The following CNTN5 variants were observed in gnomAD, a reference collection of about 807,000 sequenced individuals.
The protein encoded by CNTN5 is contactin 5.
CNTN5 carries 77 observed loss-of-function variants against 129.1 expected under a neutral mutation model. That is an observed-to-expected ratio of 0.60 (90% CI 0.50 to 0.72). The LOEUF (loss-of-function observed/expected upper bound fraction) is 0.72, where lower values mean the gene tolerates loss of function less well. CNTN5 is among the 30% of genes least tolerant of loss of function. The pLI, the probability that CNTN5 is intolerant of heterozygous loss-of-function variation, is 0.00. For missense variants in CNTN5, 1,478 were observed against 1,328.8 expected, an observed-to-expected ratio of 1.11 and a Z score of -1.75; for synonymous variants, 509 against 465.6, an observed-to-expected ratio of 1.09 and a Z score of -1.20.
Position 99,839,999 on chromosome 11 carries a change from AAAAT to A in CNTN5, c.278-4852_278-4849del, listed in dbSNP as rs140979161. ...AAAGGCCAACTGAGTCACAGAAAAA[AAAAT>A]CGTACAAGATGACTACACCAAGACA... On this transcript the variant is annotated intron_variant, in intron 4 of 24. Coordinates refer to ENST00000524871, the MANE Select transcript of CNTN5 (RefSeq NM_014361.4). 3.6e-3 allele frequency among the ~76,000 whole-genome samples: 541 copies of A among 152,282 alleles called. 3 individuals are homozygous for A. Among genetic ancestry groups the A allele is most frequent in the African/African-American group, 0.012 (515 of 41,572 alleles).
intron 1 of CNTN5, among the ~76,000 whole-genome samples, chr11:99,310,986 C>T (rs1025075389): frequency 1.3e-5 from 2 of 152,018 alleles, no homozygotes; most frequent in South Asian, 2.1e-4. Flanking sequence ...TGCCGGAATG[C>T]GGTGGTGCTG....
intron 1 of CNTN5, among the ~76,000 whole-genome samples, chr11:99,105,211 A>C (rs1866938882): frequency 6.6e-6 from 1 of 152,176 alleles, no homozygotes; most frequent in Non-Finnish European, 1.5e-5. Flanking sequence ...GGATTTGTGT[A>C]GATAACTGAG....
chr11:99,435,873 A>C (rs1035539044), intron 2 of CNTN5, among the ~76,000 whole-genome samples: 1 of 152,222 alleles, frequency 6.6e-6, no homozygotes, highest in East Asian at 1.9e-4. Context: ...ATGAGGAAGT[A>C]TATGGGGAAG....
chr11:100,206,618 A>G (rs1948917783), intron 15 of CNTN5, among the ~76,000 whole-genome samples: 1 of 152,050 alleles, frequency 6.6e-6, no homozygotes. Context: ...GTAACACTCA[A>G]TTTTTAGGGT....
chr11:100,049,692 A>G (rs908983128), intron 9 of CNTN5, among the ~76,000 whole-genome samples: 4 of 152,220 alleles, frequency 2.6e-5, no homozygotes, highest in African/African-American at 9.6e-5. Flanking sequence ...CAGGCAACCT[A>G]CAAAATGGGA....
intron 9 of CNTN5, among the ~76,000 whole-genome samples, chr11:100,010,332 AAGAATT>A (rs1565785529): frequency 6.6e-6 from 1 of 152,166 alleles, no homozygotes; most frequent in Non-Finnish European, 1.5e-5. Context: ...GGGGGAAAAA[AAGAATT>A]AGAATTAATA....
intron 6 of CNTN5, among the ~76,000 whole-genome samples, chr11:99,914,332 A>G (rs1243068682): frequency 6.6e-6 from 1 of 152,090 alleles, no homozygotes; most frequent in Non-Finnish European, 1.5e-5. Flanking sequence ...AAATCTTGCC[A>G]TGCTTTGATT....
chr11:100,008,515 A>G lies in CNTN5; in HGVS notation c.980+6379A>G, dbSNP rs1454603832. Among the ~76,000 whole-genome samples, 3 of 152,116 alleles carry G rather than the reference A, an allele frequency of 2.0e-5. No individual in the cohort carries two copies. In the South Asian group the frequency reaches 6.2e-4, roughly 31 times the overall value. ...GCAGGTCTGCAAGCTCTGAAAGCCA[A>G]CTATGTTCTAGGGACTGTCATATCT... On this transcript the variant is annotated intron_variant, in intron 9 of 24. Transcript: ENST00000524871.
chr11:99,379,832 T>A (rs1322901481), intron 2 of CNTN5, among the ~76,000 whole-genome samples: 4 of 152,132 alleles, frequency 2.6e-5, no homozygotes, highest in Non-Finnish European at 5.9e-5. Context: ...CAGTTATTCA[T>A]GCCTGTAATT....
intron 2 of CNTN5, among the ~76,000 whole-genome samples, chr11:99,464,684 T>C (rs1347125197): frequency 6.6e-6 from 1 of 152,168 alleles, no homozygotes; most frequent in Non-Finnish European, 1.5e-5. Context: ...ACAGATTCAA[T>C]TGGTTGAAGT....
chr11:100,062,107 A>G (rs371668569), intron 10 of CNTN5, among the ~76,000 whole-genome samples: 2 of 152,186 alleles, frequency 1.3e-5, no homozygotes, highest in East Asian at 3.8e-4. Context: ...TGTACTTTTC[A>G]TATTTGATTT....
rs1398095748 is a variant in CNTN5 at position 100,271,124 on chromosome 11, G to T, written c.2197G>T (p.Ala733Ser). The change falls in exon 18 of 25, where the codon GCC (alanine) becomes TCC (serine). Residue 733 changes from alanine (A) to serine (S), a missense_variant. Ala to Ser is a moderately conservative substitution (Grantham distance 99, BLOSUM62 1). Coordinates refer to ENST00000524871, the MANE Select transcript of CNTN5 (RefSeq NM_014361.4). ...PEIITGDMES[A>S]MAVDLNPWVE... Reference sequence around the variant, plus strand: ...AATCATAACAGGGGACATGGAGTCAGCCATGGCTGTGGACCTAAATCCCTG... The same window carrying T: ...AATCATAACAGGGGACATGGAGTCATCCATGGCTGTGGACCTAAATCCCTG... 6.2e-7 allele frequency: 1 copy of T among 1,612,144 alleles called. No individual in the cohort carries two copies. Among genetic ancestry groups the T allele is most frequent in the East Asian group, 2.2e-5 (1 of 44,756 alleles).
rs60403723 is a variant in CNTN5 at position 99,748,414 on chromosome 11, T to TAGAGAG, written c.56-71121_56-71116dup. On this transcript the variant is annotated intron_variant, in intron 3 of 24. Coordinates refer to ENST00000524871, the MANE Select transcript of CNTN5 (RefSeq NM_014361.4). The stretch of plus-strand genomic sequence containing the variant: ...AGTCAGTCTCCAGCAGAACAATCCA[T>TAGAGAG]AGAGAGAGAGAGAGTGAGAGAGACA... 2.3e-3 allele frequency among the ~76,000 whole-genome samples: 343 copies of TAGAGAG among 151,028 alleles called. 3 individuals carry two copies. Among genetic ancestry groups the TAGAGAG allele is most frequent in the African/African-American group, 7.2e-3 (295 of 41,100 alleles).
intron 1 of CNTN5, among the ~76,000 whole-genome samples, chr11:99,283,124 A>G (rs1223009336): frequency 6.6e-6 from 1 of 152,052 alleles, no homozygotes; most frequent in Non-Finnish European, 1.5e-5. Flanking sequence ...TCAACGTAAA[A>G]TGTTTGCCAG....
intron 13 of CNTN5, among the ~76,000 whole-genome samples, chr11:100,141,914 G>T (rs1946706674): frequency 6.6e-6 from 1 of 152,114 alleles, no homozygotes; most frequent in Admixed American, 6.5e-5. Context: ...TTGTGTGTGA[G>T]TTGGTGGGCT....
At chr11:99,213,267 A>G (rs1859905061) in intron 1 of CNTN5, among the ~76,000 whole-genome samples, 2 of 146,146 alleles carry the variant, frequency 1.4e-5, no homozygotes, top group Non-Finnish European at 3.0e-5. Flanking sequence ...ACATATATAT[A>G]AAATATATAT....
At chr11:99,705,353 C>T (rs995842155) in intron 3 of CNTN5, among the ~76,000 whole-genome samples, 4 of 151,330 alleles carry the variant, frequency 2.6e-5, no homozygotes, top group Admixed American at 1.3e-4. Flanking sequence ...CATAGTGTTA[C>T]CTTTCTCCAT....
chr11:99,464,664 T>C (rs927564623), intron 2 of CNTN5, among the ~76,000 whole-genome samples: 7 of 152,158 alleles, frequency 4.6e-5, no homozygotes, highest in African/African-American at 1.7e-4. Flanking sequence ...AGTTTTACTA[T>C]TGGGAACCTA....
rs117519450 is a variant in CNTN5, at chr11:99,292,976, G to C, written c.-209-32370G>C. Among the ~76,000 whole-genome samples, 239 of 152,274 alleles carry C rather than the reference G, an allele frequency of 1.6e-3. 6 individuals are homozygous for C. Among genetic ancestry groups the C allele is most frequent in the Admixed American group, 0.014 (211 of 15,292 alleles). On this transcript the variant is annotated intron_variant, in intron 1 of 24. Transcript: ENST00000524871. Reference sequence around the variant, plus strand: ...TCACAAATGAAAGTATACCCTGTAAGTGCACTTAATAGGCCCCCCTTTAAT... The same window carrying C: ...TCACAAATGAAAGTATACCCTGTAACTGCACTTAATAGGCCCCCCTTTAAT...
Sources: allele counts gnomAD v4.1 joint callset (sites outside exome capture counted in the v4.1 genomes callset), GRCh38; gene constraint gnomAD v4.1.1; transcripts MANE v1.5; gene names NCBI Gene and HGNC (gene_info 2026-07-23, HGNC 2026-07-21).